Variants in PBX3 observed in about 807,000 individuals in gnomAD.
PBX3 encodes pre-B-cell leukemia transcription factor 3.
A neutral mutation model predicts 48.5 loss-of-function variants in PBX3; 14 were observed. The observed-to-expected ratio is 0.29, with a 90% CI of 0.19 to 0.45. The LOEUF is 0.45. Among genes scored for constraint, PBX3 ranks in the 20% least tolerant of loss-of-function variants. The probability of loss-of-function intolerance (pLI) is 1.00; values close to 1 mark genes in which losing one functional copy is unlikely to be tolerated. For missense variants in PBX3, 386 were observed against 546.7 expected, an observed-to-expected ratio of 0.71 and a Z score of 2.93; for synonymous variants, 210 against 200.3, an observed-to-expected ratio of 1.05 and a Z score of -0.41.
chr9:125,937,352 GT>G (rs900887210), intron 5 of PBX3, among the ~76,000 whole-genome samples: 3 of 151,240 alleles, frequency 2.0e-5, no homozygotes, highest in African/African-American at 7.3e-5. Context: ...TTACCAGTGT[GT>G]TTTTTTTAAA....
At chr9:125,851,415 C>T (rs1839573949) in intron 2 of PBX3, among the ~76,000 whole-genome samples, 1 of 152,024 alleles carries the variant, frequency 6.6e-6, no homozygotes, top group Non-Finnish European at 1.5e-5. Context: ...ATTGACTTAT[C>T]AATGAAAATA....
chr9:125,931,832 G>C (rs1013597401), intron 4 of PBX3, among the ~76,000 whole-genome samples: 2 of 152,162 alleles, frequency 1.3e-5, no homozygotes, highest in Admixed American at 1.3e-4. Flanking sequence ...CAAGGGGAGA[G>C]AAAATGGAGA....
chr9:125,837,870 G>C (rs527415190), intron 2 of PBX3, among the ~76,000 whole-genome samples: 2 of 152,122 alleles, frequency 1.3e-5, no homozygotes, highest in Admixed American at 1.3e-4. Flanking sequence ...GATTACAGGC[G>C]TGAGCCACCA....
rs925038555 is a variant in PBX3, at chr9:125,905,037, A to T, written c.275-10649A>T. Among the ~76,000 whole-genome samples the T allele has an allele frequency of 3.3e-5, 5 of 151,996 alleles. No homozygotes were observed. The South Asian group carries it at 8.3e-4, about 25-fold the overall frequency. ...TAATTTTGAAATCTGTATATTGTTA[A>T]TATAAATCTATAATCATATTTATCT... On this transcript the variant is annotated intron_variant, in intron 2 of 8. Transcript: ENST00000373489.
intron 2 of PBX3, among the ~76,000 whole-genome samples, chr9:125,865,044 C>A (rs897134849): frequency 4.6e-5 from 7 of 152,280 alleles, no homozygotes; most frequent in South Asian, 2.1e-4. Flanking sequence ...TTGTGCCTGG[C>A]GCTGTTCGGA....
intron 2 of PBX3, among the ~76,000 whole-genome samples, chr9:125,875,824 A>G (rs1840234775): frequency 6.6e-6 from 1 of 152,186 alleles, no homozygotes; most frequent in African/African-American, 2.4e-5. Flanking sequence ...TTCAACCACC[A>G]TTTATTGTGT....
intron 5 of PBX3, among the ~76,000 whole-genome samples, chr9:125,958,082 A>G (rs1301595980): frequency 1.3e-5 from 2 of 152,276 alleles, no homozygotes; most frequent in Admixed American, 6.5e-5. Context: ...AGAATCACAT[A>G]ATTCTGGTAT....
intron 5 of PBX3, among the ~76,000 whole-genome samples, chr9:125,953,743 G>A (rs916703393): frequency 1.3e-5 from 2 of 151,164 alleles, no homozygotes; most frequent in Non-Finnish European, 2.9e-5. Flanking sequence ...GTTGTTACCC[G>A]AATGAGTCCT....
At chr9:125,859,076 T>C (rs2132283444) in intron 2 of PBX3, among the ~76,000 whole-genome samples, 1 of 152,278 alleles carries the variant, frequency 6.6e-6, no homozygotes, top group African/African-American at 2.4e-5. Context: ...AGAGGTCAGG[T>C]GGCCCACAGA....
At chr9:125,785,340 A>G (rs533108737) in intron 2 of PBX3, among the ~76,000 whole-genome samples, 12 of 152,358 alleles carry the variant, frequency 7.9e-5, no homozygotes, top group African/African-American at 1.2e-4. Flanking sequence ...GCACCATTCA[A>G]TCAGCTGCCA....
At chr9:125,769,588 T>C (rs968936268) in intron 2 of PBX3, among the ~76,000 whole-genome samples, 7 of 152,236 alleles carry the variant, frequency 4.6e-5, no homozygotes, top group Non-Finnish European at 7.3e-5. Context: ...TCTTAGCGTA[T>C]TTGTTAAGTG....
chr9:125,922,476 A>G (rs1447181509), intron 3 of PBX3, among the ~76,000 whole-genome samples: 2 of 152,208 alleles, frequency 1.3e-5, no homozygotes, highest in Admixed American at 1.3e-4. Flanking sequence ...AAATATTGCA[A>G]TTAACCACAG....
chr9:125,875,078 T>G lies in PBX3; in HGVS notation c.275-40608T>G, dbSNP rs1840216234. Among the ~76,000 whole-genome samples, 5 of 152,326 alleles carry G rather than the reference T, an allele frequency of 3.3e-5. No homozygotes were observed. The South Asian group carries it at 1.0e-3, about 32-fold the overall frequency. ...GGAAACTTCTGCTTCTGGCTATGAC[T>G]AAAACTCCGTATCTATCTCCCTGGC... On this transcript the variant is annotated intron_variant, in intron 2 of 8. Transcript: ENST00000373489.
intron 2 of PBX3, among the ~76,000 whole-genome samples, chr9:125,781,009 G>T (rs1306559247): frequency 1.1e-5 from 1 of 91,878 alleles, no homozygotes. Context: ...GATGGCGGCC[G>T]GGCAGAGACG....
rs373576010 is a variant in PBX3 at position 125,903,026 on chromosome 9, G to T, written c.275-12660G>T. ...TGTCAGACTCTGTTTTCCCCAAGAG[G>T]ATTGAAAGAGATTTGTTATGCAATA... is the stretch of plus-strand genomic sequence containing the variant. On this transcript the variant is annotated intron_variant, in intron 2 of 8. Transcript: ENST00000373489. Among the ~76,000 whole-genome samples, 12 of 151,894 alleles carry T rather than the reference G, an allele frequency of 7.9e-5. No homozygotes were observed. The East Asian group carries it at 2.3e-3, about 29-fold the overall frequency.
intron 2 of PBX3, among the ~76,000 whole-genome samples, chr9:125,765,788 A>T (rs1836788291): frequency 6.6e-6 from 1 of 152,218 alleles, no homozygotes; most frequent in Non-Finnish European, 1.5e-5. Flanking sequence ...GTGCAGTCAT[A>T]AATCTAGACT....
chr9:125,950,253 A>G (rs185565245), intron 5 of PBX3, among the ~76,000 whole-genome samples: 5 of 152,198 alleles, frequency 3.3e-5, no homozygotes, highest in Admixed American at 6.5e-5. Flanking sequence ...TTATCAGTCT[A>G]TCATGCAGAG....
Position 125,928,459 on chromosome 9 carries a change from A to AT in PBX3, c.517-1180dup, listed in dbSNP as rs200023708. ...GTACTGAAAGAGACAATGTCTGAGGATTTTTTTTTTTTTTTTGAGACAGAA... is the reference window on the plus strand; with the variant it reads ...GTACTGAAAGAGACAATGTCTGAGGATTTTTTTTTTTTTTTTTGAGACAGAA... On this transcript the variant is annotated intron_variant, in intron 3 of 8. Transcript: ENST00000373489. 4.0e-3 allele frequency among the ~76,000 whole-genome samples: 510 copies of AT among 128,800 alleles called. 1 individual carries two copies. The highest frequency in any genetic ancestry group is 0.01 in the African/African-American group (358 of 35,762). The allele number at this position is 128,800 out of a possible 152,430, so 84.5% of individuals were successfully genotyped here.
chr9:125,841,417 C>T (rs1390867089), intron 2 of PBX3, among the ~76,000 whole-genome samples: 3 of 152,162 alleles, frequency 2.0e-5, no homozygotes, highest in East Asian at 3.8e-4. Flanking sequence ...CTAGCACACC[C>T]TAGGTACTAT....
Sources: allele counts gnomAD v4.1 joint callset (sites outside exome capture counted in the v4.1 genomes callset), GRCh38; gene constraint gnomAD v4.1.1; transcripts MANE v1.5; gene names NCBI Gene and HGNC (gene_info 2026-07-23, HGNC 2026-07-21).